Variants in NPAS3 observed in about 807,000 individuals in gnomAD.
NPAS3 encodes neuronal PAS domain protein 3, also known as neuronal PAS domain-containing protein 3.
A neutral mutation model predicts 73.1 loss-of-function variants in NPAS3; 14 were observed. The ratio of observed to expected loss-of-function variants is 0.19; its 90% CI spans 0.13 to 0.30. The LOEUF (loss-of-function observed/expected upper bound fraction) is 0.30. Ranked by LOEUF, NPAS3 falls within the 10% of genes least tolerant of loss-of-function variation. NPAS3 has a pLI of 1.00. For synonymous variants in NPAS3, 620 were observed against 541.5 expected, an observed-to-expected ratio of 1.14 and a Z score of -2.01; for missense variants, 1,096 against 1,250.0, an observed-to-expected ratio of 0.88 and a Z score of 1.86.
intron 1 of NPAS3, among the ~76,000 whole-genome samples, chr14:33,031,599 C>A (rs1243967798): frequency 6.6e-6 from 1 of 152,210 alleles, no homozygotes; most frequent in East Asian, 1.9e-4. Context: ...CCCAAGTGAT[C>A]ATTCCACTTC....
intron 3 of NPAS3, among the ~76,000 whole-genome samples, chr14:33,353,870 G>T (rs1481244111): frequency 6.6e-6 from 1 of 152,084 alleles, no homozygotes; most frequent in Non-Finnish European, 1.5e-5. Context: ...ATATATTCAG[G>T]CAGCTTTCCC....
chr14:33,654,251 A>G (rs1482331087), intron 5 of NPAS3, among the ~76,000 whole-genome samples: 1 of 152,142 alleles, frequency 6.6e-6, no homozygotes, highest in Non-Finnish European at 1.5e-5. Flanking sequence ...TCTCAGTTAC[A>G]TAAGTGTTGA....
upstream of NPAS3, among the ~76,000 whole-genome samples, chr14:32,935,855 C>T (rs908117903): frequency 2.0e-5 from 3 of 152,048 alleles, no homozygotes; most frequent in Admixed American, 6.6e-5. Flanking sequence ...ATGTAATCCA[C>T]GAAAATGCGC....
In NPAS3 at chr14:33,799,573, A is replaced by C. The variant is rs1309332201; in HGVS notation, c.1427-161A>C. On this transcript the variant is annotated intron_variant, in intron 11 of 11. Transcript: ENST00000356141. ...CAGCAGAGAGAAAGCCCAGGTCTTAAGTCCTCTGAAGGTGATGGAGAAGCC... is the reference window on the plus strand; with the variant it reads ...CAGCAGAGAGAAAGCCCAGGTCTTACGTCCTCTGAAGGTGATGGAGAAGCC... Among the ~76,000 whole-genome samples, 4 of 152,212 alleles carry C rather than the reference A, an allele frequency of 2.6e-5. No homozygotes were observed. In the East Asian group the frequency reaches 5.8e-4, roughly 22 times the overall value.
At chr14:33,602,995 T>C (rs931897596) in intron 5 of NPAS3, among the ~76,000 whole-genome samples, 6 of 152,144 alleles carry the variant, frequency 3.9e-5, no homozygotes, top group Non-Finnish European at 8.8e-5. Flanking sequence ...CTTCCAATCA[T>C]ACGTACCAGA....
chr14:33,474,106 C>A (rs2050911278), intron 4 of NPAS3, among the ~76,000 whole-genome samples: 1 of 152,028 alleles, frequency 6.6e-6, no homozygotes, highest in Admixed American at 6.6e-5. Context: ...TTCTCCAGGG[C>A]AATGAGGATC....
At chr14:32,941,978 AGAT>A (rs1442098952) in intron 1 of NPAS3, among the ~76,000 whole-genome samples, 1 of 152,236 alleles carries the variant, frequency 6.6e-6, no homozygotes, top group Non-Finnish European at 1.5e-5. Flanking sequence ...ATGGGAAATC[AGAT>A]GATTTGTTTA....
chr14:33,520,611 A>C (rs1404296603), intron 4 of NPAS3, among the ~76,000 whole-genome samples: 3 of 152,154 alleles, frequency 2.0e-5, no homozygotes, highest in African/African-American at 7.2e-5. Flanking sequence ...ATGGAATCAA[A>C]TTTCAATTAT....
chr14:33,127,091 G>GAA (rs35090984), intron 2 of NPAS3, among the ~76,000 whole-genome samples: 59 of 145,744 alleles, frequency 4.0e-4, no homozygotes, highest in South Asian at 6.6e-4. Context: ...CCCTGCTTTT[G>GAA]AAAAAAAAAA....
intron 2 of NPAS3, among the ~76,000 whole-genome samples, chr14:33,169,156 TC>T (rs1206311913): frequency 6.6e-6 from 1 of 152,248 alleles, no homozygotes; most frequent in Non-Finnish European, 1.5e-5. Flanking sequence ...TTTCCTTTTT[TC>T]TAAATACTCT....
At chr14:33,398,459 A>G (rs2047316305) in intron 4 of NPAS3, among the ~76,000 whole-genome samples, 2 of 151,394 alleles carry the variant, frequency 1.3e-5, no homozygotes, top group Admixed American at 1.3e-4. Context: ...TCTGAGCACT[A>G]ATTACTTCCC....
chr14:33,647,572 A>G (rs2058870169), intron 5 of NPAS3, among the ~76,000 whole-genome samples: 1 of 152,086 alleles, frequency 6.6e-6, no homozygotes, highest in South Asian at 2.1e-4. Flanking sequence ...TTCACCTTGA[A>G]CCAATTTGAT....
chr14:33,406,682 C>T (rs1288919854), intron 4 of NPAS3, among the ~76,000 whole-genome samples: 2 of 152,096 alleles, frequency 1.3e-5, no homozygotes, highest in Non-Finnish European at 2.9e-5. Flanking sequence ...TGAAATCAAA[C>T]ACCACAGTGC....
At chr14:33,214,948 C>A in intron 2 of NPAS3, 1 of 530,204 alleles carries the variant, frequency 1.9e-6, no homozygotes. Flanking sequence ...AAAACCTTAA[C>A]AAGTAAAACA....
rs565328067 is a variant in NPAS3 at position 33,476,258 on chromosome 14, A to G, written c.469-83863A>G. Among the ~76,000 whole-genome samples the G allele has an allele frequency of 1.8e-4, 27 of 152,352 alleles. No homozygotes were observed. In the East Asian group the frequency reaches 4.0e-3, roughly 23 times the overall value. On this transcript the variant is annotated intron_variant, in intron 4 of 11. Coordinates refer to ENST00000356141, the Ensembl canonical transcript of NPAS3. ...ATATGTTTTTGACACAGTAAAATGC[A>G]TTCCCTCTATGCTCATTGTAATTTA...
In NPAS3 at chr14:33,544,990, A is replaced by T. The variant is rs145942153; in HGVS notation, c.469-15131A>T. 4.5e-3 allele frequency among the ~76,000 whole-genome samples: 681 copies of T among 150,342 alleles called. 8 individuals carry two copies. Among genetic ancestry groups the T allele is most frequent in the African/African-American group, 0.016 (649 of 40,776 alleles). ...CCTATGTCTCTGTTTGATTCTTTTC[A>T]TCTTCTCATTGACATTAATGTTCTG... On this transcript the variant is annotated intron_variant, in intron 4 of 11. Coordinates refer to ENST00000356141, the Ensembl canonical transcript of NPAS3.
At chr14:33,543,980 T>G (rs2054647708) in intron 4 of NPAS3, among the ~76,000 whole-genome samples, 1 of 37,546 alleles carries the variant, frequency 2.7e-5, no homozygotes, top group African/African-American at 2.4e-4. Flanking sequence ...TATATATATA[T>G]ATATATATAT....
At chr14:33,570,132 G>A (rs114588230) in intron 5 of NPAS3, among the ~76,000 whole-genome samples, 2,287 of 152,328 alleles carry the variant, frequency 0.015, 56 homozygotes, top group African/African-American at 0.052. Flanking sequence ...GAAAGAGAGA[G>A]AGGCACAAAA....
At chr14:33,189,841 A>C (rs187279016) in intron 2 of NPAS3, among the ~76,000 whole-genome samples, 1 of 152,330 alleles carries the variant, frequency 6.6e-6, no homozygotes, top group Admixed American at 6.5e-5. Flanking sequence ...AAAGATAAGC[A>C]AAAAAGGAAT....
Sources: gnomAD v4.1 joint callset for allele counts (sites outside exome capture counted in the v4.1 genomes callset) on GRCh38, gnomAD v4.1.1 for gene constraint, MANE v1.5 for transcripts, NCBI Gene and HGNC (gene_info 2026-07-23, HGNC 2026-07-21) for gene names.